CORO2B: variants seen among roughly 807,000 people sequenced by gnomAD.
The protein encoded by CORO2B is coronin-2B.
Under a neutral mutation model 58.8 loss-of-function variants are expected in CORO2B, and 26 were observed. That is an observed-to-expected ratio of 0.44 (90% CI 0.32 to 0.61). The LOEUF is 0.61. Among genes scored for constraint, CORO2B ranks in the 20% least tolerant of loss-of-function variants. The probability of loss-of-function intolerance (pLI) is 0.04; values close to 1 mark genes in which losing one functional copy is unlikely to be tolerated. For missense variants in CORO2B, 460 were observed against 645.1 expected (o/e 0.71, Z 3.11); for synonymous variants, 242 against 253.8 (o/e 0.95, Z 0.44).
chr15:68,532,763 G>T, the CORO2B span, among the ~76,000 whole-genome samples: 2 of 152,166 alleles, frequency 1.3e-5, no homozygotes, highest in Non-Finnish European at 2.9e-5. Flanking sequence ...AGCATGTTGG[G>T]AAGGAGGGTA....
intron 3 of CORO2B, among the ~76,000 whole-genome samples, chr15:68,705,532 C>A (rs1892764236): frequency 6.6e-6 from 1 of 152,054 alleles, no homozygotes; most frequent in East Asian, 1.9e-4. Flanking sequence ...AAGCAAGGCA[C>A]CTCTCTCCCT....
the CORO2B span, among the ~76,000 whole-genome samples, chr15:68,539,765 G>A: frequency 6.6e-6 from 1 of 152,148 alleles, no homozygotes; most frequent in Non-Finnish European, 1.5e-5. Flanking sequence ...AACATATTAT[G>A]TATTCACATA....
intron 2 of CORO2B, among the ~76,000 whole-genome samples, chr15:68,686,894 C>T (rs1902998692): frequency 6.7e-6 from 1 of 149,474 alleles, no homozygotes; most frequent in Non-Finnish European, 1.5e-5. Context: ...AGCGAAACTC[C>T]GTCTCAAAAA....
At chr15:68,566,235 C>G in the CORO2B span, among the ~76,000 whole-genome samples, 8 of 152,142 alleles carry the variant, frequency 5.3e-5, no homozygotes, top group Non-Finnish European at 8.8e-5. Context: ...TGTTTTGAGT[C>G]CTTACTCTGT....
At chr15:68,718,165 G>T (rs1388446) in intron 8 of CORO2B, among the ~76,000 whole-genome samples, 126,031 of 152,164 alleles carry the variant, frequency 0.83, 55,353 homozygotes, top group Non-Finnish European at 0.96. Flanking sequence ...AGGAAACATG[G>T]GCACACATTG....
chr15:68,594,263 C>T (rs1261485010), intron 1 of CORO2B, among the ~76,000 whole-genome samples: 1 of 152,174 alleles, frequency 6.6e-6, no homozygotes, highest in Non-Finnish European at 1.5e-5. Flanking sequence ...ACCTGGTGTC[C>T]CCTGCAGTAT....
the CORO2B span, among the ~76,000 whole-genome samples, chr15:68,532,135 T>A: frequency 6.6e-6 from 1 of 152,042 alleles, no homozygotes; most frequent in Admixed American, 6.6e-5. Context: ...ACCTTTGGGG[T>A]TTTTTGTTTT....
At chr15:68,637,743 C>T (rs1392653586) in intron 1 of CORO2B, among the ~76,000 whole-genome samples, 2 of 83,060 alleles carry the variant, frequency 2.4e-5, no homozygotes, top group African/African-American at 6.9e-5. Flanking sequence ...TTCTCCTGGG[C>T]TCCCCCCACA....
At chr15:68,564,407 G>A in the CORO2B span, among the ~76,000 whole-genome samples, 17 of 151,898 alleles carry the variant, frequency 1.1e-4, no homozygotes, top group Non-Finnish European at 1.8e-4. Flanking sequence ...GGGCTCAAGC[G>A]ATCCTCCCCC....
chr15:68,622,926 G>A (rs549529094), intron 1 of CORO2B, among the ~76,000 whole-genome samples: 2 of 152,308 alleles, frequency 1.3e-5, no homozygotes, highest in African/African-American at 2.4e-5. Context: ...CACGTGTCTG[G>A]TGCTTTGTAT....
At chr15:68,607,809 C>A (rs1900161685) in intron 1 of CORO2B, among the ~76,000 whole-genome samples, 2 of 148,682 alleles carry the variant, frequency 1.3e-5, no homozygotes, top group African/African-American at 2.5e-5. Flanking sequence ...CAGAGTGAGA[C>A]CCTATCTCAA....
At chr15:68,695,306 C>A in intron 3 of CORO2B, 50 bp downstream of exon 3, 2 of 1,390,666 alleles carry the variant, frequency 1.4e-6, no homozygotes, top group Non-Finnish European at 2.0e-6. Flanking sequence ...CCCCTCCCTG[C>A]TTCCTTTGGA....
In CORO2B at chr15:68,690,642, C is replaced by CTTTCTTTCT. The variant is rs1460425934; in HGVS notation, c.217-4491_217-4490insCTTTTCTTT. Among the ~76,000 whole-genome samples the CTTTCTTTCT allele has an allele frequency of 6.3e-4, 77 of 121,268 alleles. 7 individuals carry two copies. The highest frequency in any genetic ancestry group is 6.6e-4 in the African/African-American group (19 of 28,610). 79.6% of individuals were successfully genotyped at this position (121,268 alleles called of 152,430 possible). On this transcript the variant is annotated intron_variant, in intron 2 of 11. Coordinates refer to ENST00000261861, the MANE Select transcript of CORO2B (RefSeq NM_006091.5). ...GCATTAAGCAATGTGATCACGTTAG[C>CTTTCTTTCT]TTTCTTTTTTTTTTTTTTTTTTTTT...
rs1320065195 is a variant in CORO2B at position 68,726,840 on chromosome 15, G to A, written c.*866G>A. 6.6e-6 allele frequency: 1 copy of A among 152,220 alleles called. No individual in the cohort carries two copies. Among genetic ancestry groups the A allele is most frequent in the African/African-American group, 2.4e-5 (1 of 41,454 alleles). The allele number at this position is 152,220 out of a possible 1,614,324, so 9.4% of individuals were successfully genotyped here. ...CATCAAGATGCCAATCCCTTTGTGG[G>A]CTTCACCAGTGCCCAAGTCTCTATG... On this transcript the variant is annotated 3_prime_UTR_variant, in exon 12 of 12. Transcript: ENST00000261861.
Position 68,710,719 on chromosome 15 carries a change from T to A in CORO2B, c.334-13T>A. On this transcript the variant is annotated splice_polypyrimidine_tract_variant and intron_variant, in intron 3 of 11. Transcript: ENST00000261861. This position sits in a 1 kb window ranked among gnomAD's most constrained non-coding sequence, Gnocchi z 4.1. ...CGTGTCCACCCAGCCTGGACCCTCATCTCCCTCTGCAGGTGCGGATCTGGG... is the reference window on the plus strand; with the variant it reads ...CGTGTCCACCCAGCCTGGACCCTCAACTCCCTCTGCAGGTGCGGATCTGGG... 1 of 1,586,240 alleles carries A rather than the reference T, an allele frequency of 6.3e-7. No homozygotes were observed. Among genetic ancestry groups the A allele is most frequent in the East Asian group, 2.3e-5 (1 of 44,070 alleles).
chr15:68,705,808 T>C (rs1892770951), intron 3 of CORO2B, among the ~76,000 whole-genome samples: 1 of 152,128 alleles, frequency 6.6e-6, no homozygotes, highest in South Asian at 2.1e-4. Flanking sequence ...TTCCAAGAGC[T>C]CTGCACCCAG....
intron 2 of CORO2B, among the ~76,000 whole-genome samples, chr15:68,690,653 T>TCTTTTC (rs1567010154): frequency 2.0e-5 from 3 of 148,646 alleles, no homozygotes; most frequent in African/African-American, 7.4e-5. Flanking sequence ...TTTCTTTTTT[T>TCTTTTC]TTTTTTTTTT....
chr15:68,643,919 C>T (rs958294407), intron 1 of CORO2B, among the ~76,000 whole-genome samples: 5 of 152,076 alleles, frequency 3.3e-5, no homozygotes, highest in African/African-American at 1.2e-4. Flanking sequence ...CCCCTGTAAT[C>T]CCAGCTACTC....
At chr15:68,599,547 C>A (rs1329451818) in intron 1 of CORO2B, among the ~76,000 whole-genome samples, 1 of 152,192 alleles carries the variant, frequency 6.6e-6, no homozygotes, top group African/African-American at 2.4e-5. Flanking sequence ...CAACTCTGTC[C>A]CCACAAGGGC....
Sources: allele counts gnomAD v4.1 joint callset (sites outside exome capture counted in the v4.1 genomes callset), GRCh38; gene constraint gnomAD v4.1.1; non-coding constraint Gnocchi (gnomAD v3.1); transcripts MANE v1.5; gene names NCBI Gene and HGNC (gene_info 2026-07-23, HGNC 2026-07-21).